Variants in NHS observed in about 807,000 individuals in gnomAD.
NHS encodes the protein NHS actin remodeling regulator.
In NHS, 5 loss-of-function variants were observed where a neutral mutation model predicts 72.5. That is an observed-to-expected ratio of 0.07 (90% confidence interval 0.04 to 0.14). The LOEUF is 0.14. NHS is among the 10% of genes least tolerant of loss of function. NHS has a pLI of 1.00. For missense variants in NHS, 1,072 were observed against 1,355.7 expected (o/e 0.79, Z 3.29); for synonymous variants, 464 against 547.7 (o/e 0.85, Z 2.13).
intron 1 of NHS, among the ~76,000 whole-genome samples, chrX:17,549,188 A>T (rs903145255): frequency 1.3e-4 from 5 of 39,563 alleles, no homozygotes; most frequent in Non-Finnish European, 2.2e-4. Flanking sequence ...TTAGCATCAG[A>T]AAAACAGCCC....
intron 1 of NHS, among the ~76,000 whole-genome samples, chrX:17,574,696 T>G (rs2065500501): frequency 9.0e-6 from 1 of 111,641 alleles, no homozygotes; most frequent in Non-Finnish European, 1.9e-5. Context: ...TCACCCTCCA[T>G]GGGCTGCACC....
At position 17,445,056 on chromosome X, in the gene NHS, G is replaced by A. The variant is rs186586842; in HGVS notation, c.565+68734G>A. ...TTTGGAAATGCTTCCTTCCTGGTGC[G>A]TGTGCTGGGATGCAGACTTGTATCT... On this transcript the variant is annotated intron_variant, in intron 1 of 8. Coordinates refer to ENST00000676302, the MANE Select transcript of NHS (RefSeq NM_001291867.2). 2.3e-3 allele frequency among the ~76,000 whole-genome samples: 261 copies of A among 111,741 alleles called. 3 individuals are homozygous for A. Among genetic ancestry groups the A allele is most frequent in the Admixed American group, 0.017 (180 of 10,528 alleles).
chrX:17,671,473 C>A, intron 1 of NHS, among the ~76,000 whole-genome samples: 1 of 112,579 alleles, frequency 8.9e-6, no homozygotes, highest in African/African-American at 3.2e-5. Context: ...GCAATGTTTT[C>A]TGAAGAACAA....
chrX:17,520,901 G>A (rs892443545), intron 1 of NHS, among the ~76,000 whole-genome samples: 2 of 111,012 alleles, frequency 1.8e-5, no homozygotes, highest in South Asian at 3.8e-4. Flanking sequence ...CAGCAGCATC[G>A]CATCGTCAGG....
At chrX:17,514,045 C>A (rs183807730) in intron 1 of NHS, among the ~76,000 whole-genome samples, 47 of 111,661 alleles carry the variant, frequency 4.2e-4, no homozygotes, top group African/African-American at 1.0e-3. Context: ...GTGCAGGGAA[C>A]CTCCCCTTTA....
chrX:17,724,321 T>A lies in NHS; in HGVS notation c.1131T>A (p.Ala377=), dbSNP rs2066427701. ...NVTGVGFDRE[A]SIRCSLVHSQ... Reference sequence around the variant, plus strand: ...CAGGAGTTGGCTTTGACAGAGAGGCTAGTATACGCTGCTCTCTGGTTCATT... The same window carrying A: ...CAGGAGTTGGCTTTGACAGAGAGGCAAGTATACGCTGCTCTCTGGTTCATT... The change falls in exon 6 of 9, where the codon GCT becomes GCA. Residue 377 remains alanine (A), a synonymous_variant. Coordinates refer to ENST00000676302, the MANE Select transcript of NHS (RefSeq NM_001291867.2). 1 of 1,209,969 alleles carries A rather than the reference T, an allele frequency of 8.3e-7. No homozygotes were observed. Among genetic ancestry groups the A allele is most frequent in the African/African-American group, 1.7e-5 (1 of 57,203 alleles).
chrX:17,416,981 T>TA (rs2064599638), intron 1 of NHS, among the ~76,000 whole-genome samples: 1 of 111,293 alleles, frequency 9.0e-6, no homozygotes, highest in Admixed American at 9.6e-5. Flanking sequence ...AATAGAAAGA[T>TA]AATTACATTC....
intron 1 of NHS, among the ~76,000 whole-genome samples, chrX:17,415,976 T>A (rs1389069993): frequency 2.7e-5 from 3 of 111,616 alleles, no homozygotes; most frequent in African/African-American, 9.8e-5. Context: ...GAAAGTAAAG[T>A]TGGCATGCTA....
intron 1 of NHS, among the ~76,000 whole-genome samples, chrX:17,543,924 C>T (rs761438193): frequency 1.2e-4 from 14 of 112,011 alleles, no homozygotes; most frequent in South Asian, 3.7e-4. Flanking sequence ...GATGGAGCTG[C>T]GGGGCATATA....
chrX:17,405,660 C>G (rs2064525959), intron 1 of NHS, among the ~76,000 whole-genome samples: 1 of 111,941 alleles, frequency 8.9e-6, no homozygotes, highest in Admixed American at 9.4e-5. Flanking sequence ...TTGGAGAGGA[C>G]AAAGGAGGAG....
intron 1 of NHS, among the ~76,000 whole-genome samples, chrX:17,639,031 A>G (rs774670404): frequency 4.5e-5 from 5 of 111,924 alleles, no homozygotes; most frequent in Admixed American, 1.9e-4. Flanking sequence ...ACTCAGCACA[A>G]AAACTCACCA....
chrX:17,709,954 G>A (rs1302515283), intron 3 of NHS, among the ~76,000 whole-genome samples: 1 of 111,898 alleles, frequency 8.9e-6, no homozygotes. Flanking sequence ...TTCTGGGAGT[G>A]AGGAAACAGA....
chrX:17,392,999 A>G (rs758104826), intron 1 of NHS, among the ~76,000 whole-genome samples: 2 of 112,208 alleles, frequency 1.8e-5, no homozygotes, highest in East Asian at 5.6e-4. Flanking sequence ...TTCATGATCC[A>G]TTCATGTTGT....
At chrX:17,553,091 C>T (rs903820649) in intron 1 of NHS, among the ~76,000 whole-genome samples, 17 of 112,994 alleles carry the variant, frequency 1.5e-4, no homozygotes, top group African/African-American at 5.5e-4. Context: ...CCCTATCACT[C>T]TTATCTGTGG....
chrX:17,391,188 T>C (rs1042349731), intron 1 of NHS, among the ~76,000 whole-genome samples: 2 of 111,966 alleles, frequency 1.8e-5, no homozygotes, highest in Non-Finnish European at 3.8e-5. Context: ...AAATCTTAGG[T>C]TCAAGGTTTG....
chrX:17,612,191 CTT>C (rs76046011), intron 1 of NHS, among the ~76,000 whole-genome samples: 2 of 97,859 alleles, frequency 2.0e-5, no homozygotes, highest in Non-Finnish European at 2.0e-5. Context: ...TTCCTCATGA[CTT>C]TTTTTTTTTT....
In NHS at chrX:17,721,466, C is replaced by T. The variant is rs897875994; in HGVS notation, c.941C>T (p.Thr314Ile). ...TCCCATCCCCCAGAGGATGAAGATA[C>T]AGATGTCATGTTAGGGCAGAGGCCG... ...RKSHPPEDED[T>I]DVMLGQRPKN... The change falls in exon 5 of 9, where the codon ACA becomes ATA. Residue 314 changes from threonine (T) to isoleucine (I), a missense_variant. Thr to Ile is a moderately conservative substitution (Grantham distance 89). Coordinates refer to ENST00000676302, the MANE Select transcript of NHS (RefSeq NM_001291867.2). 1.7e-6 allele frequency: 2 copies of T among 1,211,306 alleles called. No individual in the cohort carries two copies.
intron 1 of NHS, among the ~76,000 whole-genome samples, chrX:17,443,552 C>G (rs766613909): frequency 7.2e-5 from 8 of 111,682 alleles, no homozygotes; most frequent in South Asian, 7.7e-4. Context: ...AGTGGCCCAC[C>G]ACTGAGTGAG....
At chrX:17,722,383 A>G (rs1163527041) in intron 5 of NHS, among the ~76,000 whole-genome samples, 1 of 112,181 alleles carries the variant, frequency 8.9e-6, no homozygotes, top group Non-Finnish European at 1.9e-5. Flanking sequence ...GCTTTCTTAC[A>G]TCTCTAATAG....
Sources: gnomAD v4.1 joint callset for allele counts (sites outside exome capture counted in the v4.1 genomes callset) on GRCh38, gnomAD v4.1.1 for gene constraint, MANE v1.5 for transcripts, NCBI Gene and HGNC (gene_info 2026-07-23, HGNC 2026-07-21) for gene names.